The following SLC25A21 variants were observed in gnomAD, a reference collection of about 807,000 sequenced individuals.
SLC25A21 encodes the protein mitochondrial 2-oxodicarboxylate carrier.
Under a neutral mutation model 43.8 loss-of-function variants are expected in SLC25A21, and 47 were observed. The ratio of observed to expected loss-of-function variants is 1.07; its 90% CI spans 0.85 to 1.37. The LOEUF (loss-of-function observed/expected upper bound fraction) is 1.37. Among genes scored for constraint, SLC25A21 ranks in the 40% most tolerant of loss-of-function variants. The pLI, the probability that SLC25A21 is intolerant of heterozygous loss-of-function variation, is 0.00. For missense variants in SLC25A21, 352 were observed against 350.2 expected (o/e 1.00, Z -0.04); for synonymous variants, 131 against 121.3 (o/e 1.08, Z -0.52).
intron 2 of SLC25A21, among the ~76,000 whole-genome samples, chr14:36,855,020 G>GA (rs1350855160): frequency 4.6e-5 from 7 of 151,974 alleles, no homozygotes; most frequent in Admixed American, 4.6e-4. Context: ...CACTGTCTGT[G>GA]AAAAATTTTT....
intron 1 of SLC25A21, among the ~76,000 whole-genome samples, chr14:37,023,259 A>G (rs1961025043): frequency 6.6e-6 from 1 of 151,994 alleles, no homozygotes; most frequent in South Asian, 2.1e-4. Context: ...CCCCTAGTAT[A>G]GATTATTAGG....
chr14:36,842,377 G>A lies in SLC25A21; in HGVS notation c.120-28376C>T, dbSNP rs549821526. On this transcript the variant is annotated intron_variant, in intron 2 of 9. Coordinates refer to ENST00000331299, the MANE Select transcript of SLC25A21 (RefSeq NM_030631.4). Reference sequence around the variant, plus strand: ...AGATGACTTTAGAGGGGCTGATTCAGCTGAGAGACATGTTCTTTTTGCCCT... The same window carrying A: ...AGATGACTTTAGAGGGGCTGATTCAACTGAGAGACATGTTCTTTTTGCCCT... Among the ~76,000 whole-genome samples the A allele has an allele frequency of 4.1e-4, 63 of 152,272 alleles. No homozygotes were observed. In the South Asian group the frequency reaches 0.013, roughly 31 times the overall value.
intron 2 of SLC25A21, among the ~76,000 whole-genome samples, chr14:36,856,976 A>G (rs1239474577): frequency 6.6e-6 from 1 of 152,242 alleles, no homozygotes; most frequent in African/African-American, 2.4e-5. Flanking sequence ...AATTCCTGCA[A>G]ACAATGCTTG....
intron 1 of SLC25A21, among the ~76,000 whole-genome samples, chr14:37,019,484 G>A (rs1211208637): frequency 6.6e-6 from 1 of 151,670 alleles, no homozygotes; most frequent in Non-Finnish European, 1.5e-5. Context: ...TCAATATTCT[G>A]GAAGTTCTAT....
chr14:36,764,206 CTG>C (rs763183826), intron 3 of SLC25A21, among the ~76,000 whole-genome samples: 3 of 109,722 alleles, frequency 2.7e-5, no homozygotes, highest in Non-Finnish European at 6.2e-5. Flanking sequence ...AAGAAAGAAA[CTG>C]TTAGCTTCCC....
Position 36,679,349 on chromosome 14 carries a change from A to C in SLC25A21, c.*1309T>G, listed in dbSNP as rs1248822071. 8 of 972,064 alleles carry C rather than the reference A, an allele frequency of 8.2e-6. No homozygotes were observed. In the African/African-American group the frequency reaches 1.4e-4, roughly 17 times the overall value. The allele number at this position is 972,064 out of a possible 1,614,324, so 60.2% of individuals were successfully genotyped here. Reference sequence around the variant, plus strand: ...ATACTTCAAATGCTCTAAATTAATAAAAAGTAATAATTACCATGTTATCTT... The same window carrying C: ...ATACTTCAAATGCTCTAAATTAATACAAAGTAATAATTACCATGTTATCTT... On this transcript the variant is annotated 3_prime_UTR_variant, in exon 10 of 10. Transcript: ENST00000331299.
At chr14:36,922,511 G>A (rs1892008928) in intron 1 of SLC25A21, among the ~76,000 whole-genome samples, 1 of 149,044 alleles carries the variant, frequency 6.7e-6, no homozygotes, top group Admixed American at 6.8e-5. Context: ...CTATGCAGAG[G>A]GGCTTCAGAA....
At chr14:36,737,402 T>G (rs1310117620) in intron 3 of SLC25A21, among the ~76,000 whole-genome samples, 2 of 152,182 alleles carry the variant, frequency 1.3e-5, no homozygotes, top group African/African-American at 4.8e-5. Context: ...TTCATTGATG[T>G]GCCCTACTTC....
At chr14:36,719,727 T>C (rs7147486) in intron 6 of SLC25A21, among the ~76,000 whole-genome samples, 46,369 of 152,090 alleles carry the variant, frequency 0.3, 7,559 homozygotes, top group East Asian at 0.47. Flanking sequence ...GTTGGAAGTA[T>C]ATGAGGGCAG....
At chr14:36,762,584 T>C (rs571720579) in intron 3 of SLC25A21, among the ~76,000 whole-genome samples, 1 of 152,346 alleles carries the variant, frequency 6.6e-6, no homozygotes, top group Non-Finnish European at 1.5e-5. Flanking sequence ...TTTGAAAATA[T>C]AAACTGTCAT....
chr14:36,772,553 G>A (rs183582481), intron 3 of SLC25A21, among the ~76,000 whole-genome samples: 1 of 152,122 alleles, frequency 6.6e-6, no homozygotes, highest in South Asian at 2.1e-4. Context: ...TAGTGCTTAT[G>A]TGAAGAGCAG....
At chr14:37,171,117 AGG>A in intron 1 of SLC25A21, among the ~76,000 whole-genome samples, 1 of 1,054 alleles carries the variant, frequency 9.5e-4, no homozygotes, top group Non-Finnish European at 2.0e-3. Context: ...AAAAGGGGGG[AGG>A]GGAGGGGAGG....
At chr14:36,994,020 T>G (rs933100509) in intron 1 of SLC25A21, among the ~76,000 whole-genome samples, 1 of 152,178 alleles carries the variant, frequency 6.6e-6, no homozygotes, top group Non-Finnish European at 1.5e-5. Flanking sequence ...ATGAATGAGC[T>G]ATATGCAATA....
At chr14:36,703,111 C>T (rs889045831) in intron 7 of SLC25A21, among the ~76,000 whole-genome samples, 3 of 152,070 alleles carry the variant, frequency 2.0e-5, no homozygotes, top group East Asian at 1.9e-4. Flanking sequence ...TTCCCATTAC[C>T]GGATGATTGG....
chr14:36,895,492 C>CT lies in SLC25A21; in HGVS notation c.71-20489dup, dbSNP rs561012826. 6.9e-4 allele frequency among the ~76,000 whole-genome samples: 105 copies of CT among 152,278 alleles called. No homozygotes were observed. The East Asian group carries it at 0.018, about 26-fold the overall frequency. On this transcript the variant is annotated intron_variant, in intron 1 of 9. Transcript: ENST00000331299. ...TTTGTTGATCTTTTCAAAAAACCAGCTCTGGATTCACTGATTTTTTGAAGG... is the reference window on the plus strand; with the variant it reads ...TTTGTTGATCTTTTCAAAAAACCAGCTTCTGGATTCACTGATTTTTTGAAGG...
intron 1 of SLC25A21, among the ~76,000 whole-genome samples, chr14:37,041,220 T>A (rs1325728277): frequency 2.6e-5 from 4 of 152,210 alleles, no homozygotes; most frequent in Admixed American, 2.0e-4. Context: ...GGAGGGGATG[T>A]GCCTTAAACT....
intron 3 of SLC25A21, among the ~76,000 whole-genome samples, chr14:36,804,083 A>G (rs1408799900): frequency 1.5e-4 from 23 of 152,196 alleles, no homozygotes; most frequent in Admixed American, 1.5e-3. Flanking sequence ...TTTTAAACAA[A>G]CAAACAAACA....
chr14:36,917,393 T>C (rs1404792926), intron 1 of SLC25A21, among the ~76,000 whole-genome samples: 27 of 152,166 alleles, frequency 1.8e-4, no homozygotes, highest in Non-Finnish European at 1.5e-5. Flanking sequence ...CTGAATGCCA[T>C]CTGGGTGCTT....
At chr14:37,052,133 T>A (rs1961721205) in intron 1 of SLC25A21, among the ~76,000 whole-genome samples, 1 of 152,232 alleles carries the variant, frequency 6.6e-6, no homozygotes, top group Non-Finnish European at 1.5e-5. Flanking sequence ...GTTATATGCA[T>A]AATAAATTTC....
Sources: gnomAD v4.1 joint callset for allele counts (sites outside exome capture counted in the v4.1 genomes callset) on GRCh38, gnomAD v4.1.1 for gene constraint, MANE v1.5 for transcripts, NCBI Gene and HGNC (gene_info 2026-07-23, HGNC 2026-07-21) for gene names.